SON: variants seen among roughly 807,000 people sequenced by gnomAD.
SON encodes protein SON.
A neutral mutation model predicts 173.3 loss-of-function variants in SON; 4 were observed. That is an observed-to-expected ratio of 0.02 (90% CI 0.01 to 0.05). SON has a LOEUF of 0.05. Among genes scored for constraint, SON ranks in the 10% least tolerant of loss-of-function variants. SON has a pLI of 1.00. For missense variants in SON, 2,626 were observed against 3,055.3 expected (o/e 0.86, Z 3.31); for synonymous variants, 1,190 against 1,105.9 (o/e 1.08, Z -1.51).
chr21:33,569,857 A>G, intron 8 of SON: 1 of 196,610 alleles, frequency 5.1e-6, no homozygotes. Flanking sequence ...TTTGAGAACC[A>G]CTAATTTCAT....
intron 6 of SON, among the ~76,000 whole-genome samples, chr21:33,565,449 C>T (rs2086149297): frequency 6.6e-6 from 1 of 152,084 alleles, no homozygotes; most frequent in Non-Finnish European, 1.5e-5. Flanking sequence ...TGTGTGCCTT[C>T]AAAAATTACC....
Position 33,553,513 on chromosome 21 carries a change from C to A in SON, c.4282C>A (p.Gln1428Lys). The A allele has an allele frequency of 6.2e-7, 1 of 1,614,224 alleles. No homozygotes were observed. Among genetic ancestry groups the A allele is most frequent in the Non-Finnish European group, 8.5e-7 (1 of 1,180,044 alleles). The change falls in exon 3 of 12, where the codon CAA (glutamine) becomes AAA (lysine). Residue 1428 changes from glutamine (Q) to lysine (K), a missense_variant. Gln to Lys is a moderately conservative substitution (Grantham distance 53). Coordinates refer to ENST00000356577, the MANE Select transcript of SON (RefSeq NM_138927.4). ...TCTGGAACCAGCGGTGTCAGTCCTT[C>A]AACCTTCTATGATTGTTTCAGAACC... ...PVLEPAVSVLQPSMIVSEPSV... is the reference protein window; with the variant it reads ...PVLEPAVSVLKPSMIVSEPSV...
At chr21:33,571,325 G>A (rs969707740) in intron 8 of SON, among the ~76,000 whole-genome samples, 1 of 152,088 alleles carries the variant, frequency 6.6e-6, no homozygotes, top group African/African-American at 2.4e-5. Context: ...CACAAATATT[G>A]TCTACTCATT....
intron 8 of SON, among the ~76,000 whole-genome samples, chr21:33,572,850 T>C (rs547662896): frequency 6.6e-6 from 1 of 152,270 alleles, no homozygotes; most frequent in African/African-American, 2.4e-5. Context: ...AAGAAAACTT[T>C]GGATGACAAC....
intron 8 of SON, chr21:33,569,333 G>C: frequency 2.3e-6 from 1 of 433,640 alleles, no homozygotes; most frequent in South Asian, 2.6e-5. Flanking sequence ...TGCTGCTTTT[G>C]AAGGGGTGAT....
At position 33,550,100 on chromosome 21, in the gene SON, T is replaced by A; in HGVS notation, c.869T>A (p.Met290Lys). 1 of 1,614,166 alleles carries A rather than the reference T, an allele frequency of 6.2e-7. No individual in the cohort carries two copies. The highest frequency in any genetic ancestry group is 8.5e-7 in the Non-Finnish European group (1 of 1,180,046). The change falls in exon 3 of 12, where the codon ATG (methionine) becomes AAG (lysine). Residue 290 changes from methionine (M) to lysine (K), a missense_variant. Met to Lys is a moderately conservative substitution (Grantham distance 95). Coordinates refer to ENST00000356577, the MANE Select transcript of SON (RefSeq NM_138927.4). ...ESTSPEPSKI[M>K]LVEPPVAKVL... is the part of the protein sequence containing the mutation. Reference sequence around the variant, plus strand: ...ACATCTCCAGAGCCATCAAAGATCATGTTGGTAGAGCCCCCAGTAGCAAAA... The same window carrying A: ...ACATCTCCAGAGCCATCAAAGATCAAGTTGGTAGAGCCCCCAGTAGCAAAA...
chr21:33,546,005 A>G (rs1284160391), intron 1 of SON, among the ~76,000 whole-genome samples: 5 of 152,238 alleles, frequency 3.3e-5, no homozygotes, highest in African/African-American at 1.2e-4. Flanking sequence ...TAATTTTCAT[A>G]GTTCTGAAAA....
intron 7 of SON, chr21:33,567,489 A>G (rs1227917430): frequency 2.1e-5 from 11 of 512,308 alleles, no homozygotes; most frequent in Non-Finnish European, 4.0e-5. Flanking sequence ...CTGTTTCTTG[A>G]GAGAACAAAA....
intron 1 of SON, chr21:33,543,535 T>TC (rs2085520334): frequency 9.0e-6 from 1 of 111,500 alleles, no homozygotes; most frequent in Admixed American, 2.2e-4. Flanking sequence ...GCGTATCCCC[T>TC]CCCCCTCTCG....
Position 33,550,549 on chromosome 21 carries a change from G to C in SON, c.1318G>C (p.Gly440Arg). Reference protein sequence around the residue: ...PPATAVPELPGPSVTPVPQLS... With the variant: ...PPATAVPELPRPSVTPVPQLS... ...TGCGACAGCAGTGCCTGAGTTGCCA[G>C]GGCCCTCTGTGACACCAGTGCCACA... Residue 440 changes from glycine (G) to arginine (R), a missense_variant, in exon 3 of 12, where the codon GGG (glycine) becomes CGG (arginine). Physicochemically the swap from Gly to Arg is moderately radical, Grantham distance 125. Transcript: ENST00000356577. The C allele has an allele frequency of 6.2e-7, 1 of 1,613,876 alleles. No homozygotes were observed. The highest frequency in any genetic ancestry group is 8.5e-7 in the Non-Finnish European group (1 of 1,179,940).
At chr21:33,543,760 C>T (rs780388574) in intron 1 of SON, among the ~76,000 whole-genome samples, 1 of 152,214 alleles carries the variant, frequency 6.6e-6, no homozygotes, top group Non-Finnish European at 1.5e-5. Context: ...AACTGATGCA[C>T]TTGCTAGTTT....
At position 33,549,486 on chromosome 21, in the gene SON, G is replaced by A. The variant is rs2085702671; in HGVS notation, c.255G>A (p.Glu85=). Reference sequence around the variant, plus strand: ...TTCTATTACTTTTAGACTTGAAAGAGGGCTCCAGAAAAAGTAGATGCGTAT... The same window carrying A: ...TTCTATTACTTTTAGACTTGAAAGAAGGCTCCAGAAAAAGTAGATGCGTAT... ...TELRYKPDLK[E]GSRKSRCVSV... Residue 85 remains glutamate, a synonymous_variant, in exon 3 of 12, where the codon GAG becomes GAA. Transcript: ENST00000356577. 2.0e-6 allele frequency: 3 copies of A among 1,530,672 alleles called. No individual in the cohort carries two copies. Among genetic ancestry groups the A allele is most frequent in the Non-Finnish European group, 2.6e-6 (3 of 1,146,274 alleles). 94.8% of individuals were successfully genotyped at this position (1,530,672 alleles called of 1,614,324 possible).
At position 33,567,054 on chromosome 21, in the gene SON, CTA is replaced by C; in HGVS notation, c.6658-101_6658-100del. 4 of 593,430 alleles carry C rather than the reference CTA, an allele frequency of 6.7e-6. 1 individual carries two copies. Among genetic ancestry groups the C allele is most frequent in the Non-Finnish European group, 1.2e-5 (4 of 327,422 alleles). 36.8% of individuals were successfully genotyped at this position (593,430 alleles called of 1,614,324 possible). A position where few individuals can be genotyped will look rare whatever the true frequency, so the allele number is the denominator to read the frequency against. The stretch of plus-strand genomic sequence containing the variant: ...TTCCAAGATTATTAGTATTATAAGA[CTA>C]TTATTTTGTTTTTGATATGTAGCAA... On this transcript the variant is annotated intron_variant, in intron 6 of 11. Coordinates refer to ENST00000356577, the MANE Select transcript of SON (RefSeq NM_138927.4).
In SON at chr21:33,553,442, C is replaced by A; in HGVS notation, c.4211C>A (p.Thr1404Asn). The A allele has an allele frequency of 6.2e-7, 1 of 1,614,196 alleles. No individual in the cohort carries two copies. ...PPVVAEPDYV[T>N]IPVPVVSALE... ...GTTGTGGCTGAGCCAGACTATGTTACCATTCCTGTGCCAGTTGTTTCTGCG... is the reference window on the plus strand; with the variant it reads ...GTTGTGGCTGAGCCAGACTATGTTAACATTCCTGTGCCAGTTGTTTCTGCG... The change falls in exon 3 of 12, where the codon ACC (threonine) becomes AAC (asparagine). Residue 1404 changes from threonine to asparagine, a missense_variant. By Grantham distance (65) the Thr-to-Asn change is moderately conservative. Coordinates refer to ENST00000356577, the MANE Select transcript of SON (RefSeq NM_138927.4).
chr21:33,555,546 A>G (rs548999903), intron 3 of SON, among the ~76,000 whole-genome samples, 155 bp downstream of exon 3: 174 of 152,330 alleles, frequency 1.1e-3, no homozygotes, highest in Non-Finnish European at 2.1e-3. Context: ...GTATTTAGGA[A>G]CTACTGGGAT....
intron 6 of SON, among the ~76,000 whole-genome samples, chr21:33,566,274 G>A (rs1322891852): frequency 1.3e-5 from 2 of 152,000 alleles, no homozygotes; most frequent in African/African-American, 4.8e-5. Flanking sequence ...CAAGAAATGA[G>A]TTGATAAAAA....
In SON at chr21:33,574,572, G is replaced by GAAAACTTTTTGAATAC. The variant is rs2086356957; in HGVS notation, c.7034-1023_7034-1008dup. ...TGGAAACCTGAAATGCTTTAAAACA[G>GAAAACTTTTTGAATAC]AAAACTTTTTGAATACTGATATGAT... On this transcript the variant is annotated intron_variant, in intron 9 of 11. Coordinates refer to ENST00000356577, the MANE Select transcript of SON (RefSeq NM_138927.4). 2.0e-5 allele frequency among the ~76,000 whole-genome samples: 3 copies of GAAAACTTTTTGAATAC among 152,196 alleles called. No homozygotes were observed. In the South Asian group the frequency reaches 6.2e-4, roughly 32 times the overall value.
Position 33,551,002 on chromosome 21 carries a change from A to G in SON, c.1771A>G (p.Thr591Ala), listed in dbSNP as rs1339548009. Residue 591 changes from threonine (T) to alanine (A), a missense_variant, in exon 3 of 12, where the codon ACT becomes GCT. Physicochemically the swap from Thr to Ala is moderately conservative, Grantham distance 58 (BLOSUM62 0). Coordinates refer to ENST00000356577, the MANE Select transcript of SON (RefSeq NM_138927.4). ...GGAGTTGTCGGGGCAGCCTGTGGCA[A>G]CTGGGGCACTAGAGTTGCCTGGGCC... Reference protein sequence around the residue: ...ALELSGQPVATGALELPGPLM... With the variant: ...ALELSGQPVAAGALELPGPLM... 2 of 1,605,986 alleles carry G rather than the reference A, an allele frequency of 1.2e-6. No individual in the cohort carries two copies. The highest frequency in any genetic ancestry group is 1.7e-5 in the Admixed American group (1 of 59,242).
At chr21:33,543,847 T>C (rs2085536255) in intron 1 of SON, among the ~76,000 whole-genome samples, 1 of 152,216 alleles carries the variant, frequency 6.6e-6, no homozygotes, top group African/African-American at 2.4e-5. Context: ...AAGTGGACTT[T>C]GTGTGTAGGT....
Sources: allele counts gnomAD v4.1 joint callset (sites outside exome capture counted in the v4.1 genomes callset), GRCh38; gene constraint gnomAD v4.1.1; transcripts MANE v1.5; gene names NCBI Gene and HGNC (gene_info 2026-07-23, HGNC 2026-07-21).